Variants in TP73 observed in about 807,000 individuals in gnomAD.
TP73 encodes tumor protein p73.
TP73 carries 25 observed loss-of-function variants against 62.5 expected under a neutral mutation model. The observed-to-expected ratio is 0.40, with a 90% CI of 0.29 to 0.56. The LOEUF (loss-of-function observed/expected upper bound fraction) is 0.56. TP73 is among the 20% of genes least tolerant of loss of function. The probability of loss-of-function intolerance (pLI) is 0.46; values close to 1 mark genes in which losing one functional copy is unlikely to be tolerated. For synonymous variants in TP73, 423 were observed against 377.5 expected, an observed-to-expected ratio of 1.12 and a Z score of -1.40; for missense variants, 754 against 913.3, an observed-to-expected ratio of 0.83 and a Z score of 2.25.
At chr1:3,709,037 C>T (rs1049137241) in intron 4 of TP73, among the ~76,000 whole-genome samples, 2 of 152,208 alleles carry the variant, frequency 1.3e-5, no homozygotes, top group African/African-American at 2.4e-5. Flanking sequence ...CTGCGGTTTT[C>T]CCACGCTCCT....
intron 3 of TP73, among the ~76,000 whole-genome samples, chr1:3,706,765 C>G (rs1639690931): frequency 6.6e-6 from 1 of 152,146 alleles, no homozygotes; most frequent in Admixed American, 6.5e-5. Flanking sequence ...CGGGGCGCCA[C>G]AGACGGTGGC....
At chr1:3,685,708 C>T (rs961935611) in intron 3 of TP73, among the ~76,000 whole-genome samples, 6 of 152,206 alleles carry the variant, frequency 3.9e-5, no homozygotes, top group Admixed American at 1.3e-4. Flanking sequence ...GCCCCTGGCC[C>T]GCTAACTCCA....
Position 3,736,068 on chromosome 1 carries a change from G to C in TP73, c.*2989G>C, listed in dbSNP as rs1000118289. On this transcript the variant is annotated 3_prime_UTR_variant, in exon 14 of 14. Coordinates refer to ENST00000378295, the MANE Select transcript of TP73 (RefSeq NM_005427.4). ...GTGTAAGATCGTGCTTCTCCGAGCA[G>C]TATTAATGGACGCCCTCCAATGACA... The C allele has an allele frequency of 6.6e-6, 1 of 152,242 alleles. No individual in the cohort carries two copies. Among genetic ancestry groups the C allele is most frequent in the African/African-American group, 2.4e-5 (1 of 41,468 alleles). 9.4% of individuals were successfully genotyped at this position (152,242 alleles called of 1,614,324 possible).
In TP73 at chr1:3,730,060, G is replaced by A. The variant is rs757231601; in HGVS notation, c.1257G>A (p.Gly419=). Residue 419 remains glycine (G), a synonymous_variant, in exon 11 of 14, where the codon GGG becomes GGA. Coordinates refer to ENST00000378295, the MANE Select transcript of TP73 (RefSeq NM_005427.4). ...PVLSPMNKVH[G]GMNKLPSVNQ... ...TCTCGCCCATGAACAAGGTGCACGG[G>A]GGCATGAACAAGCTGCCCTCCGTCA... 22 of 1,607,186 alleles carry A rather than the reference G, an allele frequency of 1.4e-5. No homozygotes were observed. Among genetic ancestry groups the A allele is most frequent in the Admixed American group, 3.4e-5 (2 of 59,372 alleles).
chr1:3,736,053 G>C lies in TP73; in HGVS notation c.*2974G>C, dbSNP rs1047928. 8,917 of 152,274 alleles carry C rather than the reference G, an allele frequency of 0.059. 321 individuals carry two copies. The highest frequency in any genetic ancestry group is 0.17 in the Middle Eastern group (50 of 294). The allele number at this position is 152,274 out of a possible 1,614,324, so 9.4% of individuals were successfully genotyped here. A position where few individuals can be genotyped will look rare whatever the true frequency, so the allele number is the denominator to read the frequency against. On this transcript the variant is annotated 3_prime_UTR_variant, in exon 14 of 14. Transcript: ENST00000378295. ...CCATCCGTGTTTTTCGTGTAAGATC[G>C]TGCTTCTCCGAGCAGTATTAATGGA...
rs1018475534 is a variant in TP73 at position 3,695,030 on chromosome 1, T to G, written c.186+11850T>G. On this transcript the variant is annotated intron_variant, in intron 3 of 13. Transcript: ENST00000378295. ...CTTCACTTGCTTCCCACACTGTCCT[T>G]CCACATGGGGGACTGGATAATCCTG... Among the ~76,000 whole-genome samples the G allele has an allele frequency of 2.0e-5, 3 of 151,488 alleles. 1 individual carries two copies. Among genetic ancestry groups the G allele is most frequent in the Non-Finnish European group, 4.4e-5 (3 of 67,870 alleles).
chr1:3,658,137 G>A (rs1276656181), intron 1 of TP73, among the ~76,000 whole-genome samples: 1 of 152,230 alleles, frequency 6.6e-6, no homozygotes, highest in Non-Finnish European at 1.5e-5. Flanking sequence ...CAGAGCAAGG[G>A]CACGGAAGGC....
intron 10 of TP73, 131 bp from the exon 11 acceptor site, chr1:3,729,869 G>T: frequency 7.7e-7 from 1 of 1,300,572 alleles, no homozygotes; most frequent in East Asian, 2.5e-5. Context: ...GGGAGGCTGG[G>T]GGAGGATGAA....
chr1:3,730,740 C>T (rs546133622), intron 11 of TP73, among the ~76,000 whole-genome samples, 187 bp from the exon 12 acceptor site: 46 of 152,190 alleles, frequency 3.0e-4, no homozygotes, highest in Non-Finnish European at 5.6e-4. Flanking sequence ...CTAGGCGGGG[C>T]GAGGAGACAG....
intron 3 of TP73, among the ~76,000 whole-genome samples, chr1:3,707,337 C>T (rs1017437045): frequency 5.9e-5 from 9 of 152,020 alleles, no homozygotes; most frequent in South Asian, 2.1e-4. Flanking sequence ...ACCCTGGCAC[C>T]GGGAGGCTGA....
At chr1:3,657,951 G>A (rs1266439716) in intron 1 of TP73, among the ~76,000 whole-genome samples, 3 of 152,220 alleles carry the variant, frequency 2.0e-5, no homozygotes, top group Admixed American at 6.5e-5. Context: ...GGCGAGACCC[G>A]GGCCCCAGCC....
chr1:3,686,348 C>T (rs1463518570), intron 3 of TP73, among the ~76,000 whole-genome samples: 1 of 152,218 alleles, frequency 6.6e-6, no homozygotes, highest in African/African-American at 2.4e-5. Flanking sequence ...CCGTGGGAGA[C>T]AGGCGGAGCA....
intron 1 of TP73, among the ~76,000 whole-genome samples, chr1:3,671,450 C>G (rs528195967): frequency 3.7e-4 from 57 of 152,374 alleles, no homozygotes; most frequent in South Asian, 2.9e-3. Context: ...GATCACAGCC[C>G]TGCCCAGGGC....
chr1:3,686,181 G>C (rs578079532), intron 3 of TP73, among the ~76,000 whole-genome samples: 56 of 152,212 alleles, frequency 3.7e-4, no homozygotes, highest in Non-Finnish European at 6.0e-4. Flanking sequence ...GCCTCAGCTC[G>C]GGCAGGCACA....
Position 3,730,065 on chromosome 1 carries a change from T to C in TP73, c.1262T>C (p.Met421Thr). Residue 421 changes from methionine to threonine, a missense_variant, in exon 11 of 14, where the codon ATG (methionine) becomes ACG (threonine). Physicochemically the swap from Met to Thr is moderately conservative, Grantham distance 81. Transcript: ENST00000378295. ...LSPMNKVHGG[M>T]NKLPSVNQLV... The stretch of plus-strand genomic sequence containing the variant: ...CCCATGAACAAGGTGCACGGGGGCA[T>C]GAACAAGCTGCCCTCCGTCAACCAG... 5 of 1,605,444 alleles carry C rather than the reference T, an allele frequency of 3.1e-6. No homozygotes were observed. Among genetic ancestry groups the C allele is most frequent in the Non-Finnish European group, 4.2e-6 (5 of 1,176,692 alleles).
At chr1:3,731,417 G>C (rs576669515) in intron 12 of TP73, 46 bp from the exon 13 acceptor site, 54 of 1,585,294 alleles carry the variant, frequency 3.4e-5, no homozygotes, top group Non-Finnish European at 4.7e-5. Context: ...GCGCAGCCCT[G>C]TGCTCGGAAG....
rs371971754 is a variant in TP73 at position 3,701,149 on chromosome 1, G to A, written c.187-6400G>A. The stretch of plus-strand genomic sequence containing the variant: ...ACCAAGAGTTTCTGAGCGTCCTGTC[G>A]GTACTGGCTATCTGGACACCTCGGG... On this transcript the variant is annotated intron_variant, in intron 3 of 13. Transcript: ENST00000378295. This position sits in a 1 kb window ranked among gnomAD's most constrained non-coding sequence, Gnocchi z 4.7. 1.6e-4 allele frequency among the ~76,000 whole-genome samples: 24 copies of A among 152,134 alleles called. No homozygotes were observed. Among genetic ancestry groups the A allele is most frequent in the Admixed American group, 1.0e-3 (16 of 15,278 alleles).
At chr1:3,668,127 C>T (rs1645161617) in intron 1 of TP73, among the ~76,000 whole-genome samples, 1 of 152,228 alleles carries the variant, frequency 6.6e-6, no homozygotes, top group African/African-American at 2.4e-5. Context: ...TTCCTCTCCC[C>T]TCACTTTCCT....
rs544419398 is a variant in TP73 at position 3,670,674 on chromosome 1, T to A, written c.-33-11659T>A. 1.1e-3 allele frequency among the ~76,000 whole-genome samples: 165 copies of A among 151,192 alleles called. 6 individuals carry two copies. In the South Asian group the frequency reaches 0.018, roughly 16 times the overall value. ...GAGCGAGACTCTATCTCAAAAAAAA[T>A]AAAATAAAATAAAAAAGATAGGAAA... On this transcript the variant is annotated intron_variant, in intron 1 of 13. Transcript: ENST00000378295. This position sits in a 1 kb window ranked among gnomAD's most constrained non-coding sequence, Gnocchi z 5.9.
Sources: allele counts gnomAD v4.1 joint callset (sites outside exome capture counted in the v4.1 genomes callset), GRCh38; gene constraint gnomAD v4.1.1; non-coding constraint Gnocchi (gnomAD v3.1); transcripts MANE v1.5; gene names NCBI Gene and HGNC (gene_info 2026-07-23, HGNC 2026-07-21).